Variants in UBE2G1 observed in about 807,000 individuals in gnomAD.
UBE2G1 encodes ubiquitin-conjugating enzyme E2 G1.
UBE2G1 carries 5 observed loss-of-function variants against 22.7 expected under a neutral mutation model. The ratio of observed to expected loss-of-function variants is 0.22; its 90% CI spans 0.12 to 0.46. The LOEUF is 0.46. Among genes scored for constraint, UBE2G1 ranks in the 20% least tolerant of loss-of-function variants. The pLI is 0.99. For missense variants in UBE2G1, 88 were observed against 203.9 expected (o/e 0.43, Z 3.46); for synonymous variants, 74 against 67.5 (o/e 1.10, Z -0.47).
At chr17:4,351,096 C>T (rs974477535) in intron 1 of UBE2G1, among the ~76,000 whole-genome samples, 7 of 150,316 alleles carry the variant, frequency 4.7e-5, no homozygotes, top group African/African-American at 1.7e-4. Context: ...CTACTCGGGA[C>T]TCTGAGACAG....
At chr17:4,324,093 A>C (rs553170600) in intron 1 of UBE2G1, among the ~76,000 whole-genome samples, 2 of 152,200 alleles carry the variant, frequency 1.3e-5, no homozygotes, top group Non-Finnish European at 2.9e-5. Flanking sequence ...GGCAATCACC[A>C]AATAATTGTT....
At chr17:4,273,512 T>A (rs1968784307) in intron 5 of UBE2G1, among the ~76,000 whole-genome samples, 1 of 151,892 alleles carries the variant, frequency 6.6e-6, no homozygotes, top group Non-Finnish European at 1.5e-5. Context: ...AGATAATTTT[T>A]AATTTTTTTT....
At chr17:4,360,549 T>A (rs527599285) in intron 1 of UBE2G1, among the ~76,000 whole-genome samples, 3 of 152,228 alleles carry the variant, frequency 2.0e-5, no homozygotes, top group Non-Finnish European at 4.4e-5. Flanking sequence ...TATTAAATAA[T>A]GATAAATGCA....
chr17:4,354,794 G>T (rs184528869), intron 1 of UBE2G1, among the ~76,000 whole-genome samples: 66 of 152,086 alleles, frequency 4.3e-4, no homozygotes, highest in African/African-American at 1.5e-3. Flanking sequence ...TTAATTTGCT[G>T]AGCATGGTGG....
intron 2 of UBE2G1, among the ~76,000 whole-genome samples, chr17:4,305,322 C>T (rs1034580484): frequency 1.1e-4 from 17 of 152,224 alleles, no homozygotes; most frequent in African/African-American, 4.1e-4. Flanking sequence ...TTTCTTCATT[C>T]CCCTGTACCT....
At chr17:4,339,470 A>G (rs532549389) in intron 1 of UBE2G1, among the ~76,000 whole-genome samples, 5 of 152,146 alleles carry the variant, frequency 3.3e-5, no homozygotes, top group African/African-American at 9.6e-5. Flanking sequence ...ACGATCGGCT[A>G]ATTTTTTGTA....
At chr17:4,299,176 A>G (rs1208460300) in intron 2 of UBE2G1, among the ~76,000 whole-genome samples, 1 of 152,228 alleles carries the variant, frequency 6.6e-6, no homozygotes, top group Admixed American at 6.5e-5. Context: ...ACTAATCTAT[A>G]TATACATATG....
At chr17:4,309,249 A>G (rs1418481909) in intron 1 of UBE2G1, among the ~76,000 whole-genome samples, 1 of 152,124 alleles carries the variant, frequency 6.6e-6, no homozygotes, top group Non-Finnish European at 1.5e-5. Context: ...ACAATGCGAG[A>G]CTCCGTCTCA....
chr17:4,342,010 G>T (rs12937759), intron 1 of UBE2G1, among the ~76,000 whole-genome samples: 70,163 of 151,962 alleles, frequency 0.46, 19,908 homozygotes, highest in African/African-American at 0.81. Context: ...CCTATCTACA[G>T]TTACTCCCTT....
chr17:4,279,847 C>A (rs1968865912), intron 5 of UBE2G1, among the ~76,000 whole-genome samples: 1 of 130,422 alleles, frequency 7.7e-6, no homozygotes, highest in Non-Finnish European at 1.6e-5. Context: ...CTCAGTTTGT[C>A]CAAAGGATAC....
chr17:4,301,577 T>C, intron 2 of UBE2G1: 3 of 1,339,374 alleles, frequency 2.2e-6, no homozygotes, highest in Non-Finnish European at 3.2e-6. Context: ...TAGTTTTGTG[T>C]TTCTTTGGTG....
At chr17:4,284,614 A>T (rs1295219433) in intron 4 of UBE2G1, among the ~76,000 whole-genome samples, 5 of 151,830 alleles carry the variant, frequency 3.3e-5, no homozygotes, top group South Asian at 2.1e-4. Context: ...AAAAAAACAA[A>T]AAATAAATAA....
chr17:4,289,539 C>A, intron 3 of UBE2G1, 131 bp from the exon 4 acceptor site: 1 of 1,020,386 alleles, frequency 9.8e-7, no homozygotes, highest in Non-Finnish European at 1.4e-6. Context: ...AGTTAATGTC[C>A]AAAATGCAAT....
In UBE2G1 at chr17:4,354,778, T is replaced by G. The variant is rs142704436; in HGVS notation, c.46+11493A>C. 8.9e-4 allele frequency among the ~76,000 whole-genome samples: 135 copies of G among 151,338 alleles called. 1 individual carries two copies. Among genetic ancestry groups the G allele is most frequent in the African/African-American group, 3.1e-3 (126 of 40,996 alleles). On this transcript the variant is annotated intron_variant, in intron 1 of 5. Coordinates refer to ENST00000396981, the MANE Select transcript of UBE2G1 (RefSeq NM_003342.5). ...AAACCCTGTCTCTACCAAAAAAAAA[T>G]TTTTTTTAATTTGCTGAGCATGGTG...
chr17:4,342,788 A>G lies in UBE2G1; in HGVS notation c.46+23483T>C, dbSNP rs545173669. ...AATGTAAATCAGGTCATATCACTCC[A>G]GTGCTGAAAAACCTCACGGGTACCT... On this transcript the variant is annotated intron_variant, in intron 1 of 5. Coordinates refer to ENST00000396981, the MANE Select transcript of UBE2G1 (RefSeq NM_003342.5). 9.9e-5 allele frequency among the ~76,000 whole-genome samples: 15 copies of G among 152,256 alleles called. No homozygotes were observed. In the East Asian group the frequency reaches 2.7e-3, roughly 27 times the overall value.
At chr17:4,298,895 T>C (rs1169709463) in intron 2 of UBE2G1, among the ~76,000 whole-genome samples, 1 of 152,152 alleles carries the variant, frequency 6.6e-6, no homozygotes, top group African/African-American at 2.4e-5. Context: ...GGAAGAAGCA[T>C]GAGGGCTTGA....
intron 1 of UBE2G1, among the ~76,000 whole-genome samples, chr17:4,347,095 G>C (rs1462762341): frequency 6.6e-6 from 1 of 152,120 alleles, no homozygotes; most frequent in East Asian, 1.9e-4. Context: ...GGAGGTTGCA[G>C]TGAGCCAAGA....
In UBE2G1 at chr17:4,344,288, C is replaced by G. The variant is rs554402097; in HGVS notation, c.46+21983G>C. ...GGGCGCGGTGGCTCGCGCCTGTAAT[C>G]CCAGCACTTTGGGAGGCCGAGGCAG... On this transcript the variant is annotated intron_variant, in intron 1 of 5. Transcript: ENST00000396981. 2.0e-5 allele frequency among the ~76,000 whole-genome samples: 3 copies of G among 152,094 alleles called. No homozygotes were observed. The East Asian group carries it at 5.8e-4, about 29-fold the overall frequency.
intron 1 of UBE2G1, among the ~76,000 whole-genome samples, chr17:4,311,405 C>CAATAA (rs1274073845): frequency 1.3e-5 from 2 of 152,122 alleles, no homozygotes; most frequent in Non-Finnish European, 2.9e-5. Context: ...AAGGCAGAAA[C>CAATAA]TCAAGTGTCC....
Sources: allele counts gnomAD v4.1 joint callset (sites outside exome capture counted in the v4.1 genomes callset), GRCh38; gene constraint gnomAD v4.1.1; transcripts MANE v1.5; gene names NCBI Gene and HGNC (gene_info 2026-07-23, HGNC 2026-07-21).